CDH13: variants seen among roughly 807,000 people sequenced by gnomAD.
CDH13 encodes the protein cadherin 13.
In CDH13, 24 loss-of-function variants were observed where a neutral mutation model predicts 63.8. The ratio of observed to expected loss-of-function variants is 0.38; its 90% confidence interval spans 0.27 to 0.53. The LOEUF (loss-of-function observed/expected upper bound fraction) is 0.53, where lower values mean the gene tolerates loss of function less well. Among genes scored for constraint, CDH13 ranks in the 20% least tolerant of loss-of-function variants. The pLI is 0.85. For missense variants in CDH13, 1,049 were observed against 903.1 expected (o/e 1.16, Z -2.07); for synonymous variants, 503 against 355.3 (o/e 1.42, Z -4.67).
chr16:82,813,755 C>G (rs2017621339), intron 1 of CDH13, among the ~76,000 whole-genome samples: 1 of 152,120 alleles, frequency 6.6e-6, no homozygotes, highest in Non-Finnish European at 1.5e-5. Context: ...TTTACAACTG[C>G]CTGAGGCTGC....
rs559934188 is a variant in CDH13, at chr16:83,021,136, C to T, written c.158-10874C>T. Reference sequence around the variant, plus strand: ...CTTGCTGAATCCATGATTTTTCTTTCGCTTAATGGGTGACTTTCAAATCCA... The same window carrying T: ...CTTGCTGAATCCATGATTTTTCTTTTGCTTAATGGGTGACTTTCAAATCCA... On this transcript the variant is annotated intron_variant, in intron 2 of 13. Transcript: ENST00000567109. 1.1e-4 allele frequency among the ~76,000 whole-genome samples: 17 copies of T among 152,214 alleles called. No homozygotes were observed. In the East Asian group the frequency reaches 2.3e-3, roughly 21 times the overall value.
At chr16:83,525,311 A>G (rs2074936814) in intron 7 of CDH13, among the ~76,000 whole-genome samples, 1 of 152,238 alleles carries the variant, frequency 6.6e-6, no homozygotes, top group African/African-American at 2.4e-5. Context: ...TGTGTCATGC[A>G]CACTGACTTA....
rs902513938 is a variant in CDH13, at chr16:82,727,316, AT to A, written c.45+100187del. Among the ~76,000 whole-genome samples, 10 of 151,784 alleles carry A rather than the reference AT, an allele frequency of 6.6e-5. No homozygotes were observed. In the East Asian group the frequency reaches 1.2e-3, roughly 18 times the overall value. ...ATGTGCCTTTATCCTCTCCCATTGC[AT>A]TTTTTTTCCTCTCTAATGCACCAAA... is the stretch of plus-strand genomic sequence containing the variant. On this transcript the variant is annotated intron_variant, in intron 1 of 13. Transcript: ENST00000567109.
chr16:83,292,036 C>G (rs2089478372), intron 5 of CDH13, among the ~76,000 whole-genome samples: 1 of 152,148 alleles, frequency 6.6e-6, no homozygotes, highest in Non-Finnish European at 1.5e-5. Context: ...TATCATTTTT[C>G]ACTATTGGCC....
intron 4 of CDH13, among the ~76,000 whole-genome samples, chr16:83,175,250 C>G (rs1473094274): frequency 1.3e-5 from 2 of 151,964 alleles, no homozygotes; most frequent in African/African-American, 4.8e-5. Context: ...TGGTTTGGGA[C>G]AGAAGAAATA....
At position 83,125,451 on chromosome 16, in the gene CDH13, A is replaced by C. The variant is rs1486794066; in HGVS notation, c.433A>C (p.Ile145Leu). 1.2e-6 allele frequency: 2 copies of C among 1,612,540 alleles called. No homozygotes were observed. Among genetic ancestry groups the C allele is most frequent in the Non-Finnish European group, 1.7e-6 (2 of 1,178,716 alleles). The change falls in exon 4 of 14, where the codon ATT becomes CTT. Residue 145 changes from isoleucine to leucine, a missense_variant. By Grantham distance (5) the Ile-to-Leu change is conservative. Transcript: ENST00000567109. Reference protein sequence around the residue: ...RQKRSIVVSPILIPENQRQPF... With the variant: ...RQKRSIVVSPLLIPENQRQPF... ...AAAGAGGTCCATTGTGGTATCTCCC[A>C]TTTTAATTCCAGAGAATCAGAGACA...
intron 3 of CDH13, among the ~76,000 whole-genome samples, chr16:83,093,914 G>A (rs2034056444): frequency 6.6e-6 from 1 of 152,158 alleles, no homozygotes; most frequent in African/African-American, 2.4e-5. Context: ...GAGGCAGAAA[G>A]GAAATACCTG....
At chr16:83,060,049 C>A (rs1380859886) in intron 3 of CDH13, among the ~76,000 whole-genome samples, 2 of 152,016 alleles carry the variant, frequency 1.3e-5, no homozygotes, top group Non-Finnish European at 2.9e-5. Flanking sequence ...AAGCCTCGGC[C>A]TCCCAAATTG....
chr16:82,956,564 T>C (rs945611978), intron 2 of CDH13, among the ~76,000 whole-genome samples: 1 of 152,098 alleles, frequency 6.6e-6, no homozygotes, highest in Non-Finnish European at 1.5e-5. Flanking sequence ...GGAACTCCTC[T>C]TGGATCATCA....
chr16:83,283,051 A>G (rs775165764), intron 5 of CDH13, among the ~76,000 whole-genome samples: 29 of 152,218 alleles, frequency 1.9e-4, no homozygotes, highest in Non-Finnish European at 3.8e-4. Context: ...TGTATTTAGA[A>G]GAAGAAAAGT....
chr16:82,745,972 T>C (rs2034143965), intron 1 of CDH13, among the ~76,000 whole-genome samples: 1 of 152,136 alleles, frequency 6.6e-6, no homozygotes, highest in African/African-American at 2.4e-5. Flanking sequence ...ACTATTGTTA[T>C]ATTTAATACC....
intron 2 of CDH13, among the ~76,000 whole-genome samples, chr16:82,861,942 A>G (rs934112787): frequency 6.6e-6 from 1 of 152,228 alleles, no homozygotes; most frequent in Non-Finnish European, 1.5e-5. Flanking sequence ...CTCAGTCTTG[A>G]AAGTTTATCT....
At chr16:83,609,238 GA>G (rs1414968388) in intron 8 of CDH13, among the ~76,000 whole-genome samples, 18 of 152,096 alleles carry the variant, frequency 1.2e-4, no homozygotes, top group African/African-American at 4.3e-4. Flanking sequence ...GACATTATGA[GA>G]TTTTTTTTTT....
At chr16:83,709,191 G>T (rs962903129) in intron 10 of CDH13, among the ~76,000 whole-genome samples, 4 of 152,156 alleles carry the variant, frequency 2.6e-5, no homozygotes, top group African/African-American at 9.7e-5. Context: ...AAAGAGCAAA[G>T]AAACAAATTC....
At chr16:82,805,240 G>A (rs372331887) in intron 1 of CDH13, among the ~76,000 whole-genome samples, 2 of 152,170 alleles carry the variant, frequency 1.3e-5, no homozygotes, top group African/African-American at 4.8e-5. Context: ...AACCTAAAAG[G>A]AAGGAGAGCC....
At chr16:83,570,279 G>A (rs1382988544) in intron 7 of CDH13, among the ~76,000 whole-genome samples, 1 of 152,064 alleles carries the variant, frequency 6.6e-6, no homozygotes, top group Non-Finnish European at 1.5e-5. Flanking sequence ...CCACCTTGAG[G>A]ACTAGCAAAA....
At chr16:83,790,865 C>T (rs573260809) in intron 13 of CDH13, among the ~76,000 whole-genome samples, 3 of 152,278 alleles carry the variant, frequency 2.0e-5, no homozygotes, top group African/African-American at 7.2e-5. Context: ...AAGAACTTGT[C>T]GGGAAACCAT....
At chr16:83,696,116 C>A (rs541204891) in intron 10 of CDH13, among the ~76,000 whole-genome samples, 1 of 152,096 alleles carries the variant, frequency 6.6e-6, no homozygotes, top group Non-Finnish European at 1.5e-5. Flanking sequence ...TTCTCAAACT[C>A]CTGGGCTCAA....
intron 2 of CDH13, among the ~76,000 whole-genome samples, chr16:82,914,772 A>G (rs1468184471): frequency 6.6e-6 from 1 of 152,194 alleles, no homozygotes; most frequent in African/African-American, 2.4e-5. Flanking sequence ...TGGAAGTTAC[A>G]TGCTCCATTT....
Sources: gnomAD v4.1 joint callset for allele counts (sites outside exome capture counted in the v4.1 genomes callset) on GRCh38, gnomAD v4.1.1 for gene constraint, MANE v1.5 for transcripts, NCBI Gene and HGNC (gene_info 2026-07-23, HGNC 2026-07-21) for gene names.